Variants in LIN52 observed in about 807,000 individuals in gnomAD.
The protein encoded by LIN52 is protein lin-52 homolog.
In LIN52, 4 loss-of-function variants were observed where a neutral mutation model predicts 18.5. The ratio of observed to expected loss-of-function variants is 0.22; its 90% CI spans 0.11 to 0.49. The LOEUF (loss-of-function observed/expected upper bound fraction) is 0.49, where lower values mean the gene tolerates loss of function less well. Ranked by LOEUF, LIN52 falls within the 20% of genes least tolerant of loss-of-function variation. The pLI, the probability that LIN52 is intolerant of heterozygous loss-of-function variation, is 0.97. For missense variants in LIN52, 102 were observed against 139.5 expected, an observed-to-expected ratio of 0.73 and a Z score of 1.35; for synonymous variants, 34 against 45.5, an observed-to-expected ratio of 0.75 and a Z score of 1.02.
chr14:74,101,498 G>A (rs1261782015), intron 5 of LIN52, among the ~76,000 whole-genome samples: 6 of 144,902 alleles, frequency 4.1e-5, no homozygotes, highest in Non-Finnish European at 6.0e-5. Context: ...TCGCTCTGTC[G>A]CCCAGGCTGG....
intron 1 of LIN52, chr14:74,085,418 C>G (rs2060720365): frequency 6.3e-6 from 1 of 157,642 alleles, no homozygotes. Flanking sequence ...CTCACAAACC[C>G]TCGCAGGGCT....
intron 5 of LIN52, among the ~76,000 whole-genome samples, chr14:74,141,276 T>C (rs931775566): frequency 2.0e-5 from 3 of 152,332 alleles, no homozygotes; most frequent in Admixed American, 6.5e-5. Context: ...CTGTACATAG[T>C]AAAGTTTATA....
intron 5 of LIN52, among the ~76,000 whole-genome samples, chr14:74,161,037 T>C (rs1457489797): frequency 2.6e-5 from 4 of 152,234 alleles, no homozygotes; most frequent in African/African-American, 9.6e-5. Flanking sequence ...ATAGAACTTA[T>C]GGTTTGGGTA....
At chr14:74,133,485 T>C (rs1255427164) in intron 5 of LIN52, among the ~76,000 whole-genome samples, 1 of 152,246 alleles carries the variant, frequency 6.6e-6, no homozygotes, top group Non-Finnish European at 1.5e-5. Flanking sequence ...TAACAAGAGC[T>C]GCACATTAAT....
At chr14:74,130,516 G>C (rs1232071009) in intron 5 of LIN52, among the ~76,000 whole-genome samples, 1 of 150,686 alleles carries the variant, frequency 6.6e-6, no homozygotes, top group Non-Finnish European at 1.5e-5. Context: ...GACCTCAGGT[G>C]ATCTGCCCGC....
intron 5 of LIN52, among the ~76,000 whole-genome samples, chr14:74,184,241 T>G (rs1220320366): frequency 2.0e-5 from 3 of 152,148 alleles, no homozygotes; most frequent in Admixed American, 2.0e-4. Flanking sequence ...CCACCACGCC[T>G]GGCTAATTTT....
chr14:74,169,951 T>G (rs1418559997), intron 5 of LIN52, among the ~76,000 whole-genome samples: 1 of 152,138 alleles, frequency 6.6e-6, no homozygotes, highest in Admixed American at 6.6e-5. Context: ...AGGAAAAGCT[T>G]CACAGAAGAG....
intron 5 of LIN52, among the ~76,000 whole-genome samples, chr14:74,137,498 CTTTT>C (rs71460959): frequency 2.7e-5 from 3 of 111,610 alleles, no homozygotes; most frequent in Non-Finnish European, 3.5e-5. Flanking sequence ...CAGCAGCTCT[CTTTT>C]TTTTTTTTTT....
chr14:74,191,984 ATAGT>A (rs1227731494), intron 5 of LIN52, among the ~76,000 whole-genome samples: 1 of 152,206 alleles, frequency 6.6e-6, no homozygotes, highest in Non-Finnish European at 1.5e-5. Flanking sequence ...ATCTACTGGT[ATAGT>A]TAAAGAAGGT....
At chr14:74,105,578 ATTT>A (rs11330179) in intron 5 of LIN52, among the ~76,000 whole-genome samples, 4 of 147,754 alleles carry the variant, frequency 2.7e-5, no homozygotes, top group Admixed American at 6.7e-5. Flanking sequence ...TAAAAACAAG[ATTT>A]TTTTTTTTTT....
At chr14:74,118,066 T>C (rs1334339175) in intron 5 of LIN52, among the ~76,000 whole-genome samples, 1 of 152,150 alleles carries the variant, frequency 6.6e-6, no homozygotes, top group African/African-American at 2.4e-5. Flanking sequence ...AATGGAGAGT[T>C]GAATCTGATA....
At chr14:74,091,081 A>G (rs576284326) in intron 1 of LIN52, 151 bp from the exon 2 acceptor site, 19 of 491,592 alleles carry the variant, frequency 3.9e-5, no homozygotes, top group African/African-American at 2.3e-4. Context: ...ATTTATTTGT[A>G]TTCTATCACG....
chr14:74,151,762 A>G (rs552283991), intron 5 of LIN52, among the ~76,000 whole-genome samples: 1 of 152,342 alleles, frequency 6.6e-6, no homozygotes, highest in South Asian at 2.1e-4. Context: ...CAAGAGATCA[A>G]TTAACAAACT....
intron 5 of LIN52, among the ~76,000 whole-genome samples, chr14:74,134,178 A>T (rs1257388976): frequency 6.6e-6 from 1 of 152,168 alleles, no homozygotes; most frequent in Admixed American, 6.5e-5. Flanking sequence ...TTTCTTTATG[A>T]CTTGTGAATC....
intron 5 of LIN52, among the ~76,000 whole-genome samples, chr14:74,107,809 C>T (rs1040593891): frequency 9.9e-5 from 15 of 152,124 alleles, no homozygotes; most frequent in African/African-American, 3.4e-4. Flanking sequence ...TTTGAAACTA[C>T]GGCTAAACCT....
intron 5 of LIN52, among the ~76,000 whole-genome samples, chr14:74,114,787 A>T (rs1235843977): frequency 6.6e-6 from 1 of 152,196 alleles, no homozygotes; most frequent in Non-Finnish European, 1.5e-5. Flanking sequence ...GAGTTATTTG[A>T]TCTCAAAGAA....
At chr14:74,149,578 G>GGAATTACTATAAATTACTATAA (rs1566861227) in intron 5 of LIN52, among the ~76,000 whole-genome samples, 3 of 152,060 alleles carry the variant, frequency 2.0e-5, no homozygotes, top group African/African-American at 7.2e-5. Context: ...TAGTAATTCC[G>GGAATTACTATAAATTACTATAA]ATTCAATTCC....
intron 5 of LIN52, among the ~76,000 whole-genome samples, chr14:74,115,584 G>A (rs896598394): frequency 2.6e-5 from 4 of 152,058 alleles, no homozygotes; most frequent in Non-Finnish European, 5.9e-5. Context: ...CACCTATTTA[G>A]GTTACAGCAT....
At chr14:74,196,839 A>G (rs553670841) in intron 5 of LIN52, among the ~76,000 whole-genome samples, 1 of 152,224 alleles carries the variant, frequency 6.6e-6, no homozygotes, top group Non-Finnish European at 1.5e-5. Context: ...GGGTATTAAC[A>G]TGCTCTCCGT....
Sources: allele counts gnomAD v4.1 joint callset (sites outside exome capture counted in the v4.1 genomes callset), GRCh38; gene constraint gnomAD v4.1.1; transcripts MANE v1.5; gene names NCBI Gene and HGNC (gene_info 2026-07-23, HGNC 2026-07-21).